The following ZNF493 variants were observed in gnomAD, a reference collection of about 807,000 sequenced individuals.
ZNF493 encodes the protein zinc finger protein 493.
In ZNF493, 11 loss-of-function variants were observed where a neutral mutation model predicts 12.2. The ratio of observed to expected loss-of-function variants is 0.90; its 90% CI spans 0.57 to 1.50. The LOEUF is 1.50. Among genes scored for constraint, ZNF493 ranks in the 40% most tolerant of loss-of-function variants. ZNF493 has a pLI of 0.00. For missense variants in ZNF493, 950 were observed against 906.6 expected, an observed-to-expected ratio of 1.05 and a Z score of -0.61; for synonymous variants, 286 against 302.6, an observed-to-expected ratio of 0.95 and a Z score of 0.57.
At chr19:21,415,440 T>G (rs1334444330) in intron 3 of ZNF493, among the ~76,000 whole-genome samples, 2 of 152,178 alleles carry the variant, frequency 1.3e-5, no homozygotes, top group African/African-American at 4.8e-5. Flanking sequence ...CCCTACATAT[T>G]GTTCCTTTCT....
rs545347326 is a variant in ZNF493, at chr19:21,411,372, T to G, written c.253+5516T>G. The stretch of plus-strand genomic sequence containing the variant: ...TTTTGAAATCAGAAAGTATAATGTC[T>G]CTCTGTTCTTTTTTATGAGTGTTTT... On this transcript the variant is annotated intron_variant, in intron 3 of 3. Coordinates refer to ENST00000392288, the MANE Select transcript of ZNF493 (RefSeq NM_001076678.3). Among the ~76,000 whole-genome samples the G allele has an allele frequency of 3.3e-5, 5 of 152,218 alleles. No individual in the cohort carries two copies. The South Asian group carries it at 1.0e-3, about 32-fold the overall frequency.
intron 3 of ZNF493, among the ~76,000 whole-genome samples, chr19:21,416,782 G>A (rs534971875): frequency 6.6e-6 from 1 of 152,306 alleles, no homozygotes; most frequent in Non-Finnish European, 1.5e-5. Flanking sequence ...AACAGAAGTA[G>A]ATATAACAAT....
intron 3 of ZNF493, chr19:21,411,969 G>A (rs1263604374): frequency 6.6e-6 from 1 of 152,052 alleles, no homozygotes; most frequent in African/African-American, 2.4e-5. Context: ...GCATGCTGAA[G>A]AGTGTGTTGT....
chr19:21,410,692 G>A (rs2030299109), intron 3 of ZNF493, among the ~76,000 whole-genome samples: 1 of 151,726 alleles, frequency 6.6e-6, no homozygotes, highest in Non-Finnish European at 1.5e-5. Flanking sequence ...TGTTGTTCAT[G>A]CATTTAATAT....
intron 1 of ZNF493, chr19:21,397,964 A>G (rs1974199321): frequency 6.6e-6 from 1 of 152,050 alleles, no homozygotes; most frequent in Non-Finnish European, 1.5e-5. Flanking sequence ...AAAATAATGC[A>G]CCTGAGTTAG....
rs1599383525 is a variant in ZNF493, at chr19:21,425,310, A to C, written c.*326A>C. 6.9e-6 allele frequency: 3 copies of C among 436,960 alleles called. No homozygotes were observed. Among genetic ancestry groups the C allele is most frequent in the Non-Finnish European group, 4.4e-6 (1 of 225,956 alleles). The allele number at this position is 436,960 out of a possible 1,614,324, so 27.1% of individuals were successfully genotyped here. On this transcript the variant is annotated 3_prime_UTR_variant, in exon 4 of 4. Transcript: ENST00000392288. The stretch of plus-strand genomic sequence containing the variant: ...TGACAAAGCTTTTAACCACTTCTCA[A>C]CCCTGCCTACACGTAAGATAATTCA...
At chr19:21,399,988 C>G (rs1258009760) in intron 1 of ZNF493, among the ~76,000 whole-genome samples, 1 of 152,176 alleles carries the variant, frequency 6.6e-6, no homozygotes, top group East Asian at 1.9e-4. Context: ...TGAGATGAAA[C>G]TTGATACTGC....
In ZNF493 at chr19:21,405,758, C is replaced by T; in HGVS notation, c.158-3C>T. 5 of 1,607,764 alleles carry T rather than the reference C, an allele frequency of 3.1e-6. No individual in the cohort carries two copies. The highest frequency in any genetic ancestry group is 4.2e-6 in the Non-Finnish European group (5 of 1,176,584). On this transcript the variant is annotated splice_region_variant and splice_polypyrimidine_tract_variant and intron_variant, in intron 2 of 3. Transcript: ENST00000392288. The stretch of plus-strand genomic sequence containing the variant: ...TTCATGTTATTTATTTTTAATAAAG[C>T]AGGTATTGCTGTCTCTAAGCCAGAT...
At position 21,423,053 on chromosome 19, in the gene ZNF493, T is replaced by C. The variant is rs1053239581; in HGVS notation, c.394T>C (p.Cys132Arg). 6.2e-7 allele frequency: 1 copy of C among 1,613,684 alleles called. No homozygotes were observed. The highest frequency in any genetic ancestry group is 8.5e-7 in the Non-Finnish European group (1 of 1,179,824). The part of the protein sequence containing the change: ...LRKGCKSMNE[C>R]NVHKEGYNEL... ...AAAAGGATGTAAAAGTATGAATGAGTGTAATGTGCACAAAGAAGGTTATAA... is the reference window on the plus strand; with the variant it reads ...AAAAGGATGTAAAAGTATGAATGAGCGTAATGTGCACAAAGAAGGTTATAA... The change falls in exon 4 of 4, where the codon TGT (cysteine) becomes CGT (arginine). Residue 132 changes from cysteine (C) to arginine (R), a missense_variant. Coordinates refer to ENST00000392288, the MANE Select transcript of ZNF493 (RefSeq NM_001076678.3).
intron 1 of ZNF493, among the ~76,000 whole-genome samples, chr19:21,400,962 A>G (rs959443898): frequency 1.3e-5 from 2 of 152,050 alleles, no homozygotes; most frequent in Non-Finnish European, 2.9e-5. Flanking sequence ...CTCTTCCCTG[A>G]TTGTTCTGGC....
At chr19:21,397,362 C>G (rs1022573318) in intron 1 of ZNF493, 95 bp downstream of exon 1, 2 of 1,424,364 alleles carry the variant, frequency 1.4e-6, no homozygotes, top group African/African-American at 1.4e-5. Flanking sequence ...TCCCCGCAGT[C>G]AGCTCCACAA....
Position 21,425,809 on chromosome 19 carries a change from C to T in ZNF493, c.*825C>T, listed in dbSNP as rs943142259. 3.6e-6 allele frequency: 2 copies of T among 560,754 alleles called. No homozygotes were observed. Among genetic ancestry groups the T allele is most frequent in the Admixed American group, 4.0e-5 (2 of 49,870 alleles). 34.7% of individuals were successfully genotyped at this position (560,754 alleles called of 1,614,324 possible). On this transcript the variant is annotated 3_prime_UTR_variant, in exon 4 of 4. Coordinates refer to ENST00000392288, the MANE Select transcript of ZNF493 (RefSeq NM_001076678.3). Reference sequence around the variant, plus strand: ...GAATGTGGCAAAGCCTTTATCCAGTCCTCAACTCCTAGTAAACATAATTAA... The same window carrying T: ...GAATGTGGCAAAGCCTTTATCCAGTTCTCAACTCCTAGTAAACATAATTAA...
At position 21,424,689 on chromosome 19, in the gene ZNF493, T is replaced by G. The variant is rs747817680; in HGVS notation, c.2030T>G (p.Ile677Arg). The change falls in exon 4 of 4, where the codon ATA becomes AGA. Residue 677 changes from isoleucine to arginine, a missense_variant. Transcript: ENST00000392288. ...TTCTCAACCCTTACTAAACATAAGA[T>G]AATTCATACTGAAGAGAAACCCTAC... ...SIFSTLTKHK[I>R]IHTEEKPYKC... 1.2e-6 allele frequency: 2 copies of G among 1,613,462 alleles called. No homozygotes were observed. The highest frequency in any genetic ancestry group is 1.7e-6 in the Non-Finnish European group (2 of 1,179,652).
At chr19:21,403,096 A>G (rs1043878845) in intron 1 of ZNF493, among the ~76,000 whole-genome samples, 7 of 152,248 alleles carry the variant, frequency 4.6e-5, no homozygotes, top group Non-Finnish European at 1.0e-4. Flanking sequence ...TGAGGATGTC[A>G]GGGACAGAAT....
Position 21,425,770 on chromosome 19 carries a change from CT to C in ZNF493, c.*788del, listed in dbSNP as rs1404339130. ...AAGATAACTCATACTGGAGAAAAAT[CT>C]TACAAATGTGAAGAATGTGGCAAAG... On this transcript the variant is annotated 3_prime_UTR_variant, in exon 4 of 4. Transcript: ENST00000392288. 1.7e-6 allele frequency: 1 copy of C among 585,394 alleles called. No individual in the cohort carries two copies. The highest frequency in any genetic ancestry group is 1.9e-5 in the African/African-American group (1 of 52,592). 36.3% of individuals were successfully genotyped at this position (585,394 alleles called of 1,614,324 possible). A position where few individuals can be genotyped will look rare whatever the true frequency, so the allele number is the denominator to read the frequency against.
At chr19:21,408,883 T>A in intron 3 of ZNF493, 3 of 463,074 alleles carry the variant, frequency 6.5e-6, no homozygotes, top group Non-Finnish European at 8.3e-6. Context: ...CTTTCTTTCT[T>A]TTTTTTTTTT....
rs2030818919 is a variant in ZNF493, at chr19:21,425,050, A to C, written c.*66A>C. 1.2e-5 allele frequency: 18 copies of C among 1,523,948 alleles called. No individual in the cohort carries two copies. The highest frequency in any genetic ancestry group is 1.3e-5 in the Non-Finnish European group (15 of 1,123,210). The allele number at this position is 1,523,948 out of a possible 1,614,324, so 94.4% of individuals were successfully genotyped here. A position where few individuals can be genotyped will look rare whatever the true frequency, so the allele number is the denominator to read the frequency against. On this transcript the variant is annotated 3_prime_UTR_variant, in exon 4 of 4. Coordinates refer to ENST00000392288, the MANE Select transcript of ZNF493 (RefSeq NM_001076678.3). Reference sequence around the variant, plus strand: ...AAAGAATGTGGCAAAGCTTTTCACCAGTACTTTACCCTTAATACACATAAG... The same window carrying C: ...AAAGAATGTGGCAAAGCTTTTCACCCGTACTTTACCCTTAATACACATAAG...
At chr19:21,414,421 A>C (rs2030419512) in intron 3 of ZNF493, 1 of 152,226 alleles carries the variant, frequency 6.6e-6, no homozygotes, top group South Asian at 2.1e-4. Flanking sequence ...AAATTGTGAA[A>C]GTGTCTAGCA....
intron 3 of ZNF493, among the ~76,000 whole-genome samples, chr19:21,418,339 A>G (rs968751635): frequency 2.0e-5 from 3 of 152,214 alleles, no homozygotes; most frequent in Admixed American, 2.0e-4. Flanking sequence ...TCAGTGTGAA[A>G]AAGTTCCAAG....
Sources: gnomAD v4.1 joint callset for allele counts (sites outside exome capture counted in the v4.1 genomes callset) on GRCh38, gnomAD v4.1.1 for gene constraint, MANE v1.5 for transcripts, NCBI Gene and HGNC (gene_info 2026-07-23, HGNC 2026-07-21) for gene names.